LCP1: variants seen among roughly 807,000 people sequenced by gnomAD.
LCP1 encodes the protein plastin-2.
LCP1 carries 23 observed loss-of-function variants against 72.0 expected under a neutral mutation model. That is an observed-to-expected ratio of 0.32 (90% confidence interval 0.23 to 0.45). LCP1 has a LOEUF of 0.45. Among genes scored for constraint, LCP1 ranks in the 20% least tolerant of loss-of-function variants. The probability of loss-of-function intolerance (pLI) is 1.00; values close to 1 mark genes in which losing one functional copy is unlikely to be tolerated. For synonymous variants in LCP1, 245 were observed against 275.4 expected (o/e 0.89, Z 1.09); for missense variants, 571 against 748.3 (o/e 0.76, Z 2.76).
chr13:46,142,933 C>A, intron 12 of LCP1: 1 of 349,732 alleles, frequency 2.9e-6, no homozygotes, highest in Non-Finnish European at 5.6e-6. Flanking sequence ...TGTTGACAGT[C>A]GACAAACTGT....
At position 46,176,911 on chromosome 13, in the gene LCP1, G is replaced by A. The variant is rs146556165; in HGVS notation, c.-25+5200C>T. On this transcript the variant is annotated intron_variant, in intron 1 of 15. Coordinates refer to ENST00000323076, the MANE Select transcript of LCP1 (RefSeq NM_002298.5). ...TGTGTGTGTGTGTGTGTGAGAGAGC[G>A]AGAGAGAGAGAGGGAGGGAGACCCT... 7.4e-3 allele frequency among the ~76,000 whole-genome samples: 1,116 copies of A among 150,966 alleles called. 17 individuals are homozygous for A. Among genetic ancestry groups the A allele is most frequent in the African/African-American group, 0.026 (1,074 of 40,976 alleles).
chr13:46,146,817 G>T, intron 10 of LCP1, 91 bp downstream of exon 10: 1 of 1,274,228 alleles, frequency 7.8e-7, no homozygotes, highest in Non-Finnish European at 1.1e-6. Context: ...CATGTAAATA[G>T]TTTATATTTG....
rs774906162 is a variant in LCP1, at chr13:46,179,004, C to A, written c.-25+3107G>T. Among the ~76,000 whole-genome samples the A allele has an allele frequency of 3.1e-4, 47 of 152,136 alleles. 1 individual carries two copies. The highest frequency in any genetic ancestry group is 1.2e-4 in the Non-Finnish European group (8 of 68,026). On this transcript the variant is annotated intron_variant, in intron 1 of 15. Coordinates refer to ENST00000323076, the MANE Select transcript of LCP1 (RefSeq NM_002298.5). ...ACTTGAGAATTTTCTGAGAATAATC[C>A]AAAGTGACTAAGTAAAAGTTAACAA...
rs2045597647 is a variant in LCP1, at chr13:46,126,310, TA to T, written c.*1280del. ...GTTGCTTTTTAGCCTTCAGTTGGTT[TA>T]GGGGGAAATTGCTCAACCTATGAGA... On this transcript the variant is annotated 3_prime_UTR_variant, in exon 16 of 16. Coordinates refer to ENST00000323076, the MANE Select transcript of LCP1 (RefSeq NM_002298.5). 1 of 229,430 alleles carries T rather than the reference TA, an allele frequency of 4.4e-6. No individual in the cohort carries two copies. Among genetic ancestry groups the T allele is most frequent in the Non-Finnish European group, 8.6e-6 (1 of 115,650 alleles). The allele number at this position is 229,430 out of a possible 1,614,324, so 14.2% of individuals were successfully genotyped here.
intron 9 of LCP1, 74 bp downstream of exon 9, chr13:46,148,278 C>A: frequency 9.7e-7 from 1 of 1,033,380 alleles, no homozygotes; most frequent in Non-Finnish European, 1.5e-6. Flanking sequence ...AGAATCAGGG[C>A]CACACAAGGT....
chr13:46,141,420 A>AG, intron 13 of LCP1, among the ~76,000 whole-genome samples: 1 of 150,790 alleles, frequency 6.6e-6, no homozygotes, highest in Non-Finnish European at 1.5e-5. Flanking sequence ...AAAAAAAAAA[A>AG]AAAAAAGAAA....
chr13:46,158,874 T>A lies in LCP1; in HGVS notation c.180A>T (p.Thr60=). The A allele has an allele frequency of 6.2e-7, 1 of 1,614,228 alleles. No homozygotes were observed. The highest frequency in any genetic ancestry group is 8.5e-7 in the Non-Finnish European group (1 of 1,180,044). Residue 60 remains threonine (T), a synonymous_variant, in exon 3 of 16, where the codon ACA becomes ACT. Transcript: ENST00000323076. ...TCCTTCCATCTTGGTCCAGATCACC[T>A]GTAGCCATCAGGTTTTCTGTAATTT... ...VREITENLMA[T]GDLDQDGRIS...
intron 1 of LCP1, among the ~76,000 whole-genome samples, chr13:46,178,177 A>G (rs1201732005): frequency 6.6e-6 from 1 of 152,236 alleles, no homozygotes; most frequent in Non-Finnish European, 1.5e-5. Flanking sequence ...TATGACAACT[A>G]AATGCTTTCA....
At chr13:46,150,827 C>A in intron 8 of LCP1, 109 bp downstream of exon 8, 1 of 1,246,694 alleles carries the variant, frequency 8.0e-7, no homozygotes, top group Non-Finnish European at 1.1e-6. Context: ...ACCAGACTAC[C>A]CTGGAACTTC....
chr13:46,172,962 T>A (rs1174046716), intron 1 of LCP1, among the ~76,000 whole-genome samples: 1 of 152,122 alleles, frequency 6.6e-6, no homozygotes, highest in Non-Finnish European at 1.5e-5. Context: ...CTTAGTTTGG[T>A]CGAAGCAATG....
intron 1 of LCP1, among the ~76,000 whole-genome samples, chr13:46,164,327 G>A (rs1226016712): frequency 6.6e-6 from 1 of 152,126 alleles, no homozygotes; most frequent in Non-Finnish European, 1.5e-5. Context: ...TAAAGATCAT[G>A]GTATAATGGG....
At chr13:46,164,651 C>T (rs1396647546) in intron 1 of LCP1, among the ~76,000 whole-genome samples, 1 of 152,192 alleles carries the variant, frequency 6.6e-6, no homozygotes, top group Non-Finnish European at 1.5e-5. Flanking sequence ...ACTGACATTG[C>T]TGTGATACTG....
intron 13 of LCP1, among the ~76,000 whole-genome samples, chr13:46,139,261 C>T (rs2045683584): frequency 6.6e-6 from 1 of 152,212 alleles, no homozygotes; most frequent in Admixed American, 6.5e-5. Context: ...AGCCTTATGA[C>T]ATCTGCCCCC....
Position 46,134,232 on chromosome 13 carries a change from G to A in LCP1, c.1521C>T (p.Leu507=), listed in dbSNP as rs754599067. 8 of 1,613,420 alleles carry A rather than the reference G, an allele frequency of 5.0e-6. No individual in the cohort carries two copies. Among genetic ancestry groups the A allele is most frequent in the Admixed American group, 1.7e-5 (1 of 60,014 alleles). ...CCTTCTGGCCACCACCAATTTCTTC[G>A]AGGATATTCAGTGTATACCTGAACA... is the stretch of plus-strand genomic sequence containing the variant. ...QLMRRYTLNI[L]EEIGGGQKVN... The change falls in exon 14 of 16, where the codon CTC becomes CTT. Residue 507 remains leucine (L), a synonymous_variant. Transcript: ENST00000323076.
rs1240681683 is a variant in LCP1, at chr13:46,156,330, G to GT, written c.491+107_491+108insA. On this transcript the variant is annotated intron_variant, in intron 5 of 15. Coordinates refer to ENST00000323076, the MANE Select transcript of LCP1 (RefSeq NM_002298.5). ...AGTGAAAGTCCAGAAAAGCCTTCTAGGTGCAGCTGAGCACCAAACAAAGTT... is the reference window on the plus strand; with the variant it reads ...AGTGAAAGTCCAGAAAAGCCTTCTAGTGTGCAGCTGAGCACCAAACAAAGTT... 5 of 1,293,838 alleles carry GT rather than the reference G, an allele frequency of 3.9e-6. No homozygotes were observed. In the African/African-American group the frequency reaches 6.0e-5, roughly 15 times the overall value. The allele number at this position is 1,293,838 out of a possible 1,614,324, so 80.1% of individuals were successfully genotyped here.
At chr13:46,163,340 A>G (rs984363983) in intron 1 of LCP1, among the ~76,000 whole-genome samples, 1 of 152,196 alleles carries the variant, frequency 6.6e-6, no homozygotes, top group African/African-American at 2.4e-5. Context: ...CCTTACCCCC[A>G]ACCCCGTGCT....
At chr13:46,156,312 G>A (rs2045800675) in intron 5 of LCP1, 126 bp downstream of exon 5, 5 of 1,053,076 alleles carry the variant, frequency 4.7e-6, no homozygotes, top group Non-Finnish European at 5.6e-6. Context: ...CCAAGTGAAA[G>A]TCCAGAAAAG....
intron 5 of LCP1, among the ~76,000 whole-genome samples, chr13:46,155,815 T>G (rs1000625468): frequency 6.6e-6 from 1 of 152,238 alleles, no homozygotes; most frequent in African/African-American, 2.4e-5. Flanking sequence ...TGGATTTCTG[T>G]GCATCACTCA....
intron 1 of LCP1, among the ~76,000 whole-genome samples, chr13:46,175,890 T>C (rs563624385): frequency 1.3e-5 from 2 of 152,306 alleles, no homozygotes; most frequent in South Asian, 4.1e-4. Flanking sequence ...TTTTCCTTAC[T>C]CCCACTTTGC....
Sources: allele counts gnomAD v4.1 joint callset (sites outside exome capture counted in the v4.1 genomes callset), GRCh38; gene constraint gnomAD v4.1.1; transcripts MANE v1.5; gene names NCBI Gene and HGNC (gene_info 2026-07-23, HGNC 2026-07-21).